ELF5: variants seen among roughly 807,000 people sequenced by gnomAD.
ELF5 encodes E74 like ETS transcription factor 5.
ELF5 carries 31 observed loss-of-function variants against 38.2 expected under a neutral mutation model. The observed-to-expected ratio is 0.81, with a 90% CI of 0.61 to 1.10. ELF5 has a LOEUF of 1.10. Among genes scored for constraint, ELF5 ranks in the 50% least tolerant of loss-of-function variants. ELF5 has a pLI of 0.00. For missense variants in ELF5, 300 were observed against 306.6 expected, an observed-to-expected ratio of 0.98 and a Z score of 0.16; for synonymous variants, 121 against 112.5, an observed-to-expected ratio of 1.08 and a Z score of -0.48.
chr11:34,509,589 G>A (rs531057857), intron 1 of ELF5, among the ~76,000 whole-genome samples: 78 of 151,584 alleles, frequency 5.1e-4, no homozygotes, highest in Middle Eastern at 3.4e-3. Context: ...TTTTCCCACG[G>A]ATTGGCTGGT....
intron 4 of ELF5, among the ~76,000 whole-genome samples, chr11:34,484,487 A>C (rs764300459): frequency 0.053 from 3,623 of 68,864 alleles, 62 homozygotes; most frequent in African/African-American, 0.11. Context: ...TACTAACTAT[A>C]CTATACTATA....
At position 34,488,700 on chromosome 11, in the gene ELF5, C is replaced by T. The variant is rs182744516; in HGVS notation, c.406+1309G>A. 2.2e-3 allele frequency among the ~76,000 whole-genome samples: 342 copies of T among 152,258 alleles called. 2 individuals are homozygous for T. Among genetic ancestry groups the T allele is most frequent in the Admixed American group, 3.6e-3 (55 of 15,296 alleles). On this transcript the variant is annotated intron_variant, in intron 4 of 6. Transcript: ENST00000257832. ...TTCCATTGTATTAGCTTCCTTTTGT[C>T]GTGTGGAAGGCAGGCTGGTAAGTGA...
intron 2 of ELF5, among the ~76,000 whole-genome samples, chr11:34,496,397 G>T (rs955327852): frequency 7.6e-5 from 11 of 145,552 alleles, no homozygotes; most frequent in African/African-American, 2.5e-4. Context: ...TTTTCCGGGG[G>T]TCCCATCCTC....
intron 1 of ELF5, among the ~76,000 whole-genome samples, chr11:34,509,595 C>G (rs1184428358): frequency 6.8e-6 from 1 of 146,032 alleles, no homozygotes; most frequent in African/African-American, 2.5e-5. Flanking sequence ...CACGGATTGG[C>G]TGGTTTTATA....
Position 34,480,031 on chromosome 11 carries a change from T to G in ELF5, c.*187A>C. ...GGGAGAAGAAAGGATTTCTTAAGAG[T>G]TTCTGCTCTCACCCTCCATAGACAA... On this transcript the variant is annotated 3_prime_UTR_variant, in exon 7 of 7. Coordinates refer to ENST00000257832, the MANE Select transcript of ELF5 (RefSeq NM_001422.4). 1.7e-6 allele frequency: 1 copy of G among 591,066 alleles called. No individual in the cohort carries two copies. 36.6% of individuals were successfully genotyped at this position (591,066 alleles called of 1,614,324 possible). A position where few individuals can be genotyped will look rare whatever the true frequency, so the allele number is the denominator to read the frequency against.
At chr11:34,509,633 T>G (rs946074234) in intron 1 of ELF5, among the ~76,000 whole-genome samples, 9 of 140,896 alleles carry the variant, frequency 6.4e-5, no homozygotes, top group South Asian at 2.5e-4. Flanking sequence ...AGGGAGGGGG[T>G]AGGATGCTGA....
chr11:34,485,281 T>C (rs1164504415), intron 4 of ELF5, among the ~76,000 whole-genome samples: 2 of 152,248 alleles, frequency 1.3e-5, no homozygotes, highest in Non-Finnish European at 2.9e-5. Context: ...TCACAGCAGG[T>C]GTTCAATAGA....
chr11:34,480,861 C>G lies in ELF5; in HGVS notation c.582G>C (p.Arg194=). Residue 194 remains arginine (R), a synonymous_variant, in exon 6 of 7, where the codon CGG becomes CGC. Transcript: ENST00000257832. ...TTGCCAGGGCTTCCGATTTAACCAC[C>G]CGAAAAATTCCTTGTTCCCTATCTT... is the stretch of plus-strand genomic sequence containing the variant. The part of the protein sequence containing the change: ...EWEDREQGIF[R]VVKSEALAKM... 6.2e-7 allele frequency: 1 copy of G among 1,614,058 alleles called. No individual in the cohort carries two copies. Among genetic ancestry groups the G allele is most frequent in the Non-Finnish European group, 8.5e-7 (1 of 1,180,022 alleles).
chr11:34,481,598 A>G (rs1039750843), intron 5 of ELF5, among the ~76,000 whole-genome samples: 4 of 152,186 alleles, frequency 2.6e-5, no homozygotes, highest in Non-Finnish European at 5.9e-5. Context: ...TGATCTTTTC[A>G]TTCTTCTTTC....
chr11:34,501,512 T>C (rs1850467639), intron 2 of ELF5, among the ~76,000 whole-genome samples: 1 of 152,178 alleles, frequency 6.6e-6, no homozygotes, highest in Non-Finnish European at 1.5e-5. Context: ...GGTTGGCTAC[T>C]GGAACTCGAC....
chr11:34,488,762 A>C (rs1850077317), intron 4 of ELF5, among the ~76,000 whole-genome samples: 1 of 152,222 alleles, frequency 6.6e-6, no homozygotes, highest in South Asian at 2.1e-4. Flanking sequence ...CCCCTGGAGA[A>C]AGGGTTGGTC....
At chr11:34,483,655 A>G (rs140317975) in intron 4 of ELF5, among the ~76,000 whole-genome samples, 19 of 152,104 alleles carry the variant, frequency 1.2e-4, no homozygotes, top group African/African-American at 4.6e-4. Flanking sequence ...ATGCTGTACT[A>G]ACTATACTGT....
At chr11:34,493,096 G>C in intron 3 of ELF5, 1 of 357,518 alleles carries the variant, frequency 2.8e-6, no homozygotes, top group Non-Finnish European at 5.1e-6. Context: ...GAAAAGGGAA[G>C]GTAGTCTATT....
At chr11:34,490,106 T>A (rs1850126182) in intron 3 of ELF5, 47 bp from the exon 4 acceptor site, 1 of 1,604,812 alleles carries the variant, frequency 6.2e-7, no homozygotes, top group Non-Finnish European at 8.5e-7. Context: ...CAATCCTGGT[T>A]TCCACTGGCC....
chr11:34,486,499 C>T (rs1401221502), intron 4 of ELF5, among the ~76,000 whole-genome samples: 1 of 147,680 alleles, frequency 6.8e-6, no homozygotes, highest in Non-Finnish European at 1.5e-5. Context: ...AGTTTCCAGG[C>T]CTTGGATCTC....
At chr11:34,508,999 C>T (rs902589411) in intron 1 of ELF5, among the ~76,000 whole-genome samples, 10 of 152,190 alleles carry the variant, frequency 6.6e-5, no homozygotes, top group African/African-American at 2.4e-4. Flanking sequence ...TTTGCAGATG[C>T]TTGAAAATCT....
Position 34,493,623 on chromosome 11 carries a change from T to C in ELF5, c.211A>G (p.Lys71Glu). The C allele has an allele frequency of 1.2e-6, 2 of 1,614,158 alleles. No homozygotes were observed. Among genetic ancestry groups the C allele is most frequent in the Non-Finnish European group, 1.7e-6 (2 of 1,180,034 alleles). Residue 71 changes from lysine (K) to glutamate (E), a missense_variant, in exon 3 of 7, where the codon AAG (lysine) becomes GAG (glutamate). By Grantham distance (56) the Lys-to-Glu change is moderately conservative (BLOSUM62 1). Coordinates refer to ENST00000257832, the MANE Select transcript of ELF5 (RefSeq NM_001422.4). The part of the protein sequence containing the change: ...EWLQFCCDQY[K>E]LDTNCISFCN... ...AAGGAGATGCAATTGGTGTCCAACT[T>C]GTACTGGTCGCAGCAGAACTGGAGC...
At chr11:34,496,833 G>A (rs1006577714) in intron 2 of ELF5, among the ~76,000 whole-genome samples, 1 of 152,184 alleles carries the variant, frequency 6.6e-6, no homozygotes, top group African/African-American at 2.4e-5. Flanking sequence ...CGGGACCCCT[G>A]TAAGGTCACG....
At chr11:34,507,096 G>C (rs992963856) in intron 1 of ELF5, among the ~76,000 whole-genome samples, 1 of 152,176 alleles carries the variant, frequency 6.6e-6, no homozygotes, top group Non-Finnish European at 1.5e-5. Context: ...TTCTTATGAT[G>C]CAGTGCAGAA....
Sources: allele counts gnomAD v4.1 joint callset (sites outside exome capture counted in the v4.1 genomes callset), GRCh38; gene constraint gnomAD v4.1.1; transcripts MANE v1.5; gene names NCBI Gene and HGNC (gene_info 2026-07-23, HGNC 2026-07-21).